CEP83: variants seen among roughly 807,000 people sequenced by gnomAD.
CEP83 encodes centrosomal protein 83, also known as centrosomal protein of 83 kDa.
In CEP83, 70 loss-of-function variants were observed where a neutral mutation model predicts 101.9. That is an observed-to-expected ratio of 0.69 (90% CI 0.57 to 0.84). CEP83 has a LOEUF of 0.84. CEP83 is among the 40% of genes least tolerant of loss of function. The pLI, the probability that CEP83 is intolerant of heterozygous loss-of-function variation, is 0.00. For missense variants in CEP83, 715 were observed against 787.2 expected (o/e 0.91, Z 1.10); for synonymous variants, 264 against 267.9 (o/e 0.99, Z 0.14).
At chr12:94,405,293 T>C (rs541670998) in intron 4 of CEP83, among the ~76,000 whole-genome samples, 1 of 152,346 alleles carries the variant, frequency 6.6e-6, no homozygotes, top group Admixed American at 6.5e-5. Flanking sequence ...TGAATAAGTA[T>C]TTTAAATATG....
chr12:94,370,856 A>G (rs1202619965), intron 8 of CEP83, among the ~76,000 whole-genome samples: 1 of 152,182 alleles, frequency 6.6e-6, no homozygotes, highest in East Asian at 1.9e-4. Context: ...CAGACATGAC[A>G]TGCCCCTTAG....
the CEP83 span, among the ~76,000 whole-genome samples, chr12:94,293,003 G>A: frequency 3.3e-5 from 5 of 152,066 alleles, no homozygotes; most frequent in African/African-American, 7.2e-5. Context: ...AATCACTACC[G>A]CTGCTCTCTT....
In CEP83 at chr12:94,333,619, G is replaced by C. The variant is rs2136515778; in HGVS notation, c.1440C>G (p.Ile480Met). ...CTGACTGTGCAAGTGAAGTCACTTGGATCTGCAAACTACTGATTTGCTTAA... is the reference window on the plus strand; with the variant it reads ...CTGACTGTGCAAGTGAAGTCACTTGCATCTGCAAACTACTGATTTGCTTAA... ...DLKQQISSLQ[I>M]QVTSLAQSEN... The change falls in exon 13 of 17, where the codon ATC (isoleucine) becomes ATG (methionine). Residue 480 changes from isoleucine (I) to methionine (M), a missense_variant. Physicochemically the swap from Ile to Met is conservative, Grantham distance 10. Coordinates refer to ENST00000397809, the MANE Select transcript of CEP83 (RefSeq NM_016122.3). The C allele has an allele frequency of 1.2e-6, 2 of 1,612,468 alleles. No individual in the cohort carries two copies.
rs567480227 is a variant in CEP83 at position 94,451,740 on chromosome 12, A to C, written c.-155+7817T>G. ...CAGCTACTTTGGAAAACATTTTGAC[A>C]GTTTCTTTAAAAGTTAAAAATAAGC... On this transcript the variant is annotated intron_variant, in intron 1 of 16. Coordinates refer to ENST00000397809, the MANE Select transcript of CEP83 (RefSeq NM_016122.3). Among the ~76,000 whole-genome samples the C allele has an allele frequency of 3.9e-5, 6 of 152,330 alleles. No homozygotes were observed. In the East Asian group the frequency reaches 1.2e-3, roughly 29 times the overall value.
intron 1 of CEP83, among the ~76,000 whole-genome samples, chr12:94,443,134 C>T (rs1389794316): frequency 1.3e-5 from 2 of 152,166 alleles, no homozygotes; most frequent in Non-Finnish European, 2.9e-5. Flanking sequence ...TATTAGCCAG[C>T]TCCCTATACA....
chr12:94,345,743 C>T (rs1408148787), intron 11 of CEP83, among the ~76,000 whole-genome samples: 2 of 152,168 alleles, frequency 1.3e-5, no homozygotes, highest in Non-Finnish European at 2.9e-5. Flanking sequence ...ACAGAGGGGC[C>T]AAGAAGAATC....
chr12:94,373,929 T>C (rs1369270872), intron 8 of CEP83, among the ~76,000 whole-genome samples: 1 of 152,230 alleles, frequency 6.6e-6, no homozygotes, highest in African/African-American at 2.4e-5. Flanking sequence ...TCCAATGGAA[T>C]CTTTACATAC....
intron 14 of CEP83, among the ~76,000 whole-genome samples, chr12:94,323,845 A>G (rs2058853158): frequency 1.3e-5 from 2 of 152,242 alleles, no homozygotes; most frequent in Non-Finnish European, 2.9e-5. Flanking sequence ...TACCATTTAT[A>G]AGATTGAAAA....
intron 6 of CEP83, among the ~76,000 whole-genome samples, chr12:94,398,185 C>T (rs184209787): frequency 6.6e-6 from 1 of 152,226 alleles, no homozygotes; most frequent in Admixed American, 6.5e-5. Context: ...AGAGAATGGG[C>T]ATTTTGTAAA....
At chr12:94,385,877 CTATGTTTAGA>C (rs1214293798) in intron 6 of CEP83, among the ~76,000 whole-genome samples, 2 of 152,230 alleles carry the variant, frequency 1.3e-5, no homozygotes, top group Admixed American at 6.5e-5. Context: ...TAAACCTTTT[CTATGTTTAGA>C]TATGTTTAGG....
At chr12:94,349,285 C>CAAAAAAAA (rs567484415) in intron 11 of CEP83, among the ~76,000 whole-genome samples, 1 of 73,460 alleles carries the variant, frequency 1.4e-5, no homozygotes. Context: ...GACTCTGTCT[C>CAAAAAAAA]AAAAAAAAAA....
At chr12:94,281,762 A>T in the CEP83 span, 1,386 of 153,672 alleles carry the variant, frequency 9.0e-3, 14 homozygotes, top group Non-Finnish European at 0.014. Flanking sequence ...CACTGAGTTG[A>T]CACTAAAATA....
chr12:94,422,026 C>T (rs950200690), intron 2 of CEP83, among the ~76,000 whole-genome samples: 7 of 152,232 alleles, frequency 4.6e-5, no homozygotes, highest in African/African-American at 1.7e-4. Flanking sequence ...TTTGCCCTGG[C>T]ATGCCTATAT....
chr12:94,271,159 A>C, the CEP83 span, among the ~76,000 whole-genome samples: 5 of 152,220 alleles, frequency 3.3e-5, no homozygotes, highest in African/African-American at 1.2e-4. Flanking sequence ...ATAAAATTAG[A>C]AATATATTTT....
At chr12:94,368,389 CAG>C in intron 9 of CEP83, 188 bp from the exon 10 acceptor site, 1 of 541,092 alleles carries the variant, frequency 1.8e-6, no homozygotes, top group Non-Finnish European at 3.2e-6. Flanking sequence ...GGCTAAAACT[CAG>C]AGCAAATTTT....
chr12:94,444,368 A>G (rs1043998040), intron 1 of CEP83, among the ~76,000 whole-genome samples: 5 of 152,212 alleles, frequency 3.3e-5, no homozygotes, highest in Non-Finnish European at 1.5e-5. Flanking sequence ...ATTGTACTCC[A>G]GCCTGGGCAA....
rs755360626 is a variant in CEP83 at position 94,367,939 on chromosome 12, C to T, written c.1198G>A (p.Glu400Lys). Residue 400 changes from glutamate (E) to lysine (K), a missense_variant, in exon 11 of 17, where the codon GAA becomes AAA. Coordinates refer to ENST00000397809, the MANE Select transcript of CEP83 (RefSeq NM_016122.3). Reference sequence around the variant, plus strand: ...AAATCTGCTAATCTGTTCTCGAGTTCTAACCTAAAACAAGAGATCATAATT... The same window carrying T: ...AAATCTGCTAATCTGTTCTCGAGTTTTAACCTAAAACAAGAGATCATAATT... ...KLVVLQDEKL[E>K]LENRLADLEK... The T allele has an allele frequency of 1.7e-5, 27 of 1,612,196 alleles. No homozygotes were observed. The highest frequency in any genetic ancestry group is 2.3e-5 in the Non-Finnish European group (27 of 1,179,246).
intron 11 of CEP83, among the ~76,000 whole-genome samples, chr12:94,344,062 T>C (rs2059823916): frequency 1.3e-5 from 2 of 151,882 alleles, no homozygotes; most frequent in African/African-American, 2.4e-5. Flanking sequence ...AGAAGAGAGG[T>C]CTTAGGAGAA....
chr12:94,364,580 T>G (rs73214110), intron 11 of CEP83, among the ~76,000 whole-genome samples: 15,551 of 152,042 alleles, frequency 0.1, 914 homozygotes, highest in Admixed American at 0.15. Context: ...CAGTGAGCCA[T>G]GATCGCTCAC....
Sources: gnomAD v4.1 joint callset for allele counts (sites outside exome capture counted in the v4.1 genomes callset) on GRCh38, gnomAD v4.1.1 for gene constraint, MANE v1.5 for transcripts, NCBI Gene and HGNC (gene_info 2026-07-23, HGNC 2026-07-21) for gene names.